FBXO34: variants seen among roughly 807,000 people sequenced by gnomAD.
FBXO34 encodes the protein F-box protein 34, also known as F-box only protein 34.
Under a neutral mutation model 24.5 loss-of-function variants are expected in FBXO34, and 12 were observed. That is an observed-to-expected ratio of 0.49 (90% confidence interval 0.31 to 0.79). The LOEUF (loss-of-function observed/expected upper bound fraction) is 0.79. FBXO34 is among the 30% of genes least tolerant of loss of function. The probability of loss-of-function intolerance (pLI) is 0.04; values close to 1 mark genes in which losing one functional copy is unlikely to be tolerated. For synonymous variants in FBXO34, 320 were observed against 311.9 expected (o/e 1.03, Z -0.27); for missense variants, 823 against 857.7 (o/e 0.96, Z 0.51).
intron 1 of FBXO34, among the ~76,000 whole-genome samples, chr14:55,281,991 C>G (rs1201221416): frequency 1.5e-5 from 1 of 65,162 alleles, no homozygotes; most frequent in Non-Finnish European, 2.8e-5. Context: ...TTAAATTTAG[C>G]TTTTTTTTTT....
chr14:55,288,195 T>C (rs576994537), intron 1 of FBXO34, among the ~76,000 whole-genome samples: 11 of 152,236 alleles, frequency 7.2e-5, no homozygotes, highest in Non-Finnish European at 1.5e-4. Context: ...CTCTACCTTA[T>C]GATGTGGTTA....
Position 55,350,426 on chromosome 14 carries a change from A to G in FBXO34, c.36A>G (p.Lys12=). 1 of 1,598,230 alleles carries G rather than the reference A, an allele frequency of 6.3e-7. No homozygotes were observed. The highest frequency in any genetic ancestry group is 8.5e-7 in the Non-Finnish European group (1 of 1,174,644). ...HLKPYWKLQK[K]EHPPEVSRET... Reference sequence around the variant, plus strand: ...AGCCATATTGGAAGCTCCAGAAGAAAGAGCACCCCCCGGAAGTCAGCAGGG... The same window carrying G: ...AGCCATATTGGAAGCTCCAGAAGAAGGAGCACCCCCCGGAAGTCAGCAGGG... Residue 12 remains lysine, a synonymous_variant, in exon 2 of 2, where the codon AAA becomes AAG. Coordinates refer to ENST00000313833, the MANE Select transcript of FBXO34 (RefSeq NM_017943.4).
the FBXO34 span, chr14:55,386,036 CG>C: frequency 6.2e-7 from 1 of 1,614,030 alleles, no homozygotes; most frequent in Non-Finnish European, 8.5e-7. Context: ...CTCTTGGTGC[CG>C]TTGTGCTCGA....
At chr14:55,325,477 A>G (rs1176517902) in intron 1 of FBXO34, among the ~76,000 whole-genome samples, 1 of 139,848 alleles carries the variant, frequency 7.2e-6, no homozygotes, top group Non-Finnish European at 1.6e-5. Context: ...CTTGTAAACT[A>G]AATTATTTTT....
rs57849080 is a variant in FBXO34 at position 55,275,823 on chromosome 14, C to CAAAA, written c.-11+4301_-11+4304dup. Among the ~76,000 whole-genome samples, 515 of 89,922 alleles carry CAAAA rather than the reference C, an allele frequency of 5.7e-3. 18 individuals carry two copies. The highest frequency in any genetic ancestry group is 0.029 in the East Asian group (81 of 2,820). The allele number at this position is 89,922 out of a possible 152,430, so 59.0% of individuals were successfully genotyped here. Reference sequence around the variant, plus strand: ...TGGGTGACAGAGCGAGACTCTGTCTCAAAAAAAAAAAAAAAAAACGAGGAT... The same window carrying CAAAA: ...TGGGTGACAGAGCGAGACTCTGTCTCAAAAAAAAAAAAAAAAAAAAAACGAGGAT... On this transcript the variant is annotated intron_variant, in intron 1 of 1. Transcript: ENST00000313833.
chr14:55,331,221 T>G (rs574607505), intron 1 of FBXO34, among the ~76,000 whole-genome samples: 1 of 152,288 alleles, frequency 6.6e-6, no homozygotes, highest in South Asian at 2.1e-4. Flanking sequence ...TGTTGCATAT[T>G]TGGAGGAGAC....
intron 1 of FBXO34, among the ~76,000 whole-genome samples, chr14:55,314,144 C>T (rs1291886032): frequency 1.3e-5 from 2 of 152,048 alleles, no homozygotes; most frequent in Non-Finnish European, 2.9e-5. Context: ...CTCCTAGGCT[C>T]AAGTGATCCT....
the FBXO34 span, among the ~76,000 whole-genome samples, chr14:55,376,922 C>A: frequency 1.3e-5 from 2 of 152,314 alleles, no homozygotes; most frequent in South Asian, 4.1e-4. Context: ...ATAAAAAGAT[C>A]TCACACACCA....
the FBXO34 span, among the ~76,000 whole-genome samples, chr14:55,418,342 T>G: frequency 6.6e-6 from 1 of 152,198 alleles, no homozygotes; most frequent in Non-Finnish European, 1.5e-5. Context: ...TACCCCTTAG[T>G]CAGCTCCAAA....
At chr14:55,409,397 A>G in the FBXO34 span, among the ~76,000 whole-genome samples, 1 of 152,226 alleles carries the variant, frequency 6.6e-6, no homozygotes, top group Admixed American at 6.5e-5. Context: ...GCCCTCATAG[A>G]GTTTATATCA....
chr14:55,274,975 A>G (rs929731616), intron 1 of FBXO34, among the ~76,000 whole-genome samples: 1 of 152,246 alleles, frequency 6.6e-6, no homozygotes, highest in African/African-American at 2.4e-5. Context: ...AGCAACAAAA[A>G]CAAAAAAGAG....
chr14:55,350,534 T>A lies in FBXO34; in HGVS notation c.144T>A (p.Phe48Leu). The change falls in exon 2 of 2, where the codon TTT (phenylalanine) becomes TTA (leucine). Residue 48 changes from phenylalanine (F) to leucine (L), a missense_variant. Physicochemically the swap from Phe to Leu is conservative, Grantham distance 22. This residue lies in a region of FBXO34 where 693 missense variants were observed against 659.1 expected (regional missense o/e 1.05). Transcript: ENST00000313833. Reference protein sequence around the residue: ...CKASHITSSVFPSASLGKASS... With the variant: ...CKASHITSSVLPSASLGKASS... ...CTAGCCACATAACATCAAGTGTCTTTCCTTCAGCCTCTCTCGGTAAAGCAT... is the reference window on the plus strand; with the variant it reads ...CTAGCCACATAACATCAAGTGTCTTACCTTCAGCCTCTCTCGGTAAAGCAT... 1.2e-6 allele frequency: 2 copies of A among 1,613,756 alleles called. No homozygotes were observed. The highest frequency in any genetic ancestry group is 1.7e-6 in the Non-Finnish European group (2 of 1,179,926).
At chr14:55,313,415 T>C (rs1882816128) in intron 1 of FBXO34, among the ~76,000 whole-genome samples, 1 of 152,192 alleles carries the variant, frequency 6.6e-6, no homozygotes, top group East Asian at 1.9e-4. Context: ...TTCTGAGTCC[T>C]CCAAATTGTT....
At chr14:55,396,668 AGAG>A in the FBXO34 span, among the ~76,000 whole-genome samples, 6 of 152,342 alleles carry the variant, frequency 3.9e-5, no homozygotes, top group African/African-American at 1.4e-4. Context: ...GGGCGTGCTC[AGAG>A]AAGAGGAAAA....
chr14:55,345,751 C>G (rs1259269319), intron 1 of FBXO34, among the ~76,000 whole-genome samples: 3 of 152,166 alleles, frequency 2.0e-5, no homozygotes, highest in Non-Finnish European at 4.4e-5. Flanking sequence ...CCTGTAATCC[C>G]AATACTTTGG....
the FBXO34 span, among the ~76,000 whole-genome samples, chr14:55,437,484 G>A: frequency 1.9e-3 from 287 of 152,238 alleles, 1 homozygote; most frequent in Admixed American, 2.2e-3. Flanking sequence ...TCTAAAAAAT[G>A]ATTCTATTAC....
At chr14:55,395,170 C>T in the FBXO34 span, 1 of 455,426 alleles carries the variant, frequency 2.2e-6, no homozygotes, top group South Asian at 1.6e-5. Context: ...GATAAGCGTG[C>T]CGATCTCCTC....
At chr14:55,405,899 A>G in the FBXO34 span, among the ~76,000 whole-genome samples, 1 of 143,468 alleles carries the variant, frequency 7.0e-6, no homozygotes, top group African/African-American at 2.6e-5. Context: ...CGGGGGGGGC[A>G]GGGGAAGAAA....
intron 1 of FBXO34, among the ~76,000 whole-genome samples, chr14:55,305,176 G>T (rs1292448307): frequency 6.6e-6 from 1 of 152,210 alleles, no homozygotes; most frequent in African/African-American, 2.4e-5. Context: ...ACTTCAGGAG[G>T]TCGAGGCGGG....
Sources: gnomAD v4.1 joint callset for allele counts (sites outside exome capture counted in the v4.1 genomes callset) on GRCh38, gnomAD v4.1.1 for gene constraint, gnomAD v4.1.1 regional missense constraint, MANE v1.5 for transcripts, NCBI Gene and HGNC (gene_info 2026-07-23, HGNC 2026-07-21) for gene names.